Variants in UXS1 observed in about 807,000 individuals in gnomAD.
The protein encoded by UXS1 is UDP-glucuronic acid decarboxylase 1.
UXS1 carries 33 observed loss-of-function variants against 62.6 expected under a neutral mutation model. That is an observed-to-expected ratio of 0.53 (90% CI 0.40 to 0.70). The LOEUF (loss-of-function observed/expected upper bound fraction) is 0.70, where lower values mean the gene tolerates loss of function less well. UXS1 is among the 30% of genes least tolerant of loss of function. UXS1 has a pLI of 0.00. For synonymous variants in UXS1, 213 were observed against 206.8 expected, an observed-to-expected ratio of 1.03 and a Z score of -0.26; for missense variants, 434 against 556.3, an observed-to-expected ratio of 0.78 and a Z score of 2.21.
chr2:106,193,799 C>T (rs1685090422), intron 1 of UXS1, among the ~76,000 whole-genome samples: 1 of 151,786 alleles, frequency 6.6e-6, no homozygotes, highest in South Asian at 2.1e-4. Flanking sequence ...GCTCCGGAGT[C>T]CCCGACCGGG....
Position 106,098,854 on chromosome 2 carries a change from A to C in UXS1, c.985-81T>G. ...ACCCAGACCACAGGCGTGTCTGCAGAGACGTCTACTGGCCGAGTCTGACCT... is the reference window on the plus strand; with the variant it reads ...ACCCAGACCACAGGCGTGTCTGCAGCGACGTCTACTGGCCGAGTCTGACCT... On this transcript the variant is annotated intron_variant, in intron 12 of 14. Coordinates refer to ENST00000283148, the MANE Select transcript of UXS1 (RefSeq NM_001253875.2). The C allele has an allele frequency of 6.8e-6, 9 of 1,332,108 alleles. No individual in the cohort carries two copies. In the South Asian group the frequency reaches 1.1e-4, roughly 16 times the overall value. 82.5% of individuals were successfully genotyped at this position (1,332,108 alleles called of 1,614,324 possible).
intron 1 of UXS1, among the ~76,000 whole-genome samples, chr2:106,189,398 T>C (rs1286647271): frequency 6.6e-6 from 1 of 152,174 alleles, no homozygotes; most frequent in Non-Finnish European, 1.5e-5. Context: ...AACAGGGTCA[T>C]AGCATGGGTG....
At chr2:106,125,800 C>A (rs1220789106) in intron 7 of UXS1, 121 bp from the exon 8 acceptor site, 2 of 749,108 alleles carry the variant, frequency 2.7e-6, no homozygotes, top group Admixed American at 3.5e-5. Context: ...CAATTATCTA[C>A]CCTTACTGCG....
intron 1 of UXS1, among the ~76,000 whole-genome samples, chr2:106,174,173 T>C (rs1305096643): frequency 1.3e-5 from 2 of 151,978 alleles, no homozygotes; most frequent in South Asian, 2.1e-4. Flanking sequence ...ATGGGCAGGA[T>C]GGTTGTTTTC....
At position 106,194,265 on chromosome 2, in the gene UXS1, G is replaced by T. The variant is rs528627291; in HGVS notation, c.-24C>A. On this transcript the variant is annotated 5_prime_UTR_variant, in exon 1 of 15. Transcript: ENST00000283148. Reference sequence around the variant, plus strand: ...ATCCCCGGGAGCCGCGCGGGTCCAGGGCCCTACCGCGCGGGGGCCCGCCTG... The same window carrying T: ...ATCCCCGGGAGCCGCGCGGGTCCAGTGCCCTACCGCGCGGGGGCCCGCCTG... 3.0e-6 allele frequency: 4 copies of T among 1,324,110 alleles called. No individual in the cohort carries two copies. The African/African-American group carries it at 4.7e-5, about 15-fold the overall frequency. 82.0% of individuals were successfully genotyped at this position (1,324,110 alleles called of 1,614,324 possible). A position where few individuals can be genotyped will look rare whatever the true frequency, so the allele number is the denominator to read the frequency against.
chr2:106,144,803 G>A (rs1044247006), intron 6 of UXS1, among the ~76,000 whole-genome samples: 1 of 152,232 alleles, frequency 6.6e-6, no homozygotes, highest in Admixed American at 6.5e-5. Context: ...CATTTGTGAC[G>A]ACTCTGTCTC....
At chr2:106,159,555 G>A (rs578236952) in intron 4 of UXS1, among the ~76,000 whole-genome samples, 191 of 152,212 alleles carry the variant, frequency 1.3e-3, no homozygotes, top group African/African-American at 4.3e-3. Context: ...TCCAGTGAGA[G>A]GTAATAAACA....
intron 5 of UXS1, among the ~76,000 whole-genome samples, chr2:106,152,890 T>C (rs955689364): frequency 5.9e-5 from 9 of 151,972 alleles, no homozygotes; most frequent in African/African-American, 1.9e-4. Context: ...AATCAGGGGC[T>C]ACAGCACCCT....
At chr2:106,162,960 A>G (rs1263932258) in intron 4 of UXS1, among the ~76,000 whole-genome samples, 1 of 152,224 alleles carries the variant, frequency 6.6e-6, no homozygotes, top group East Asian at 1.9e-4. Context: ...AAGGGGAAAA[A>G]ATCACATCAA....
At chr2:106,182,021 A>C (rs907807654) in intron 1 of UXS1, among the ~76,000 whole-genome samples, 5 of 152,248 alleles carry the variant, frequency 3.3e-5, no homozygotes, top group African/African-American at 1.2e-4. Context: ...ACTGTTAAGA[A>C]GTTTTGTTAG....
intron 10 of UXS1, 101 bp from the exon 11 acceptor site, chr2:106,104,938 C>T: frequency 2.1e-6 from 3 of 1,415,218 alleles, no homozygotes; most frequent in Non-Finnish European, 3.0e-6. Flanking sequence ...TGAAACTGAT[C>T]CCAGGGGGCA....
At chr2:106,187,443 C>A (rs1684630570) in intron 1 of UXS1, among the ~76,000 whole-genome samples, 1 of 152,134 alleles carries the variant, frequency 6.6e-6, no homozygotes, top group Non-Finnish European at 1.5e-5. Flanking sequence ...ACAATTGTGT[C>A]CCGAATGAAT....
In UXS1 at chr2:106,156,728, T is replaced by G. The variant is rs530796687; in HGVS notation, c.291+1330A>C. On this transcript the variant is annotated intron_variant, in intron 5 of 14. Transcript: ENST00000283148. ...TAAATGTTATGTAAAAATGTTATACTGTATTGTTTAGGGAATAATAACCTG... is the reference window on the plus strand; with the variant it reads ...TAAATGTTATGTAAAAATGTTATACGGTATTGTTTAGGGAATAATAACCTG... 5.3e-5 allele frequency among the ~76,000 whole-genome samples: 8 copies of G among 152,346 alleles called. No homozygotes were observed. The South Asian group carries it at 1.7e-3, about 32-fold the overall frequency.
chr2:106,122,640 AAAG>A, intron 9 of UXS1, among the ~76,000 whole-genome samples: 1 of 152,386 alleles, frequency 6.6e-6, no homozygotes, highest in Admixed American at 6.5e-5. Context: ...AAAAGTAAAA[AAAG>A]AAGATCCATT....
intron 6 of UXS1, among the ~76,000 whole-genome samples, chr2:106,139,901 A>G (rs535606432): frequency 2.6e-5 from 4 of 152,226 alleles, no homozygotes; most frequent in Non-Finnish European, 5.9e-5. Flanking sequence ...AGATACTTAC[A>G]GTAGAATTCT....
intron 8 of UXS1, 66 bp downstream of exon 8, chr2:106,125,554 T>C: frequency 6.9e-7 from 1 of 1,450,934 alleles, no homozygotes; most frequent in South Asian, 1.4e-5. Context: ...ACTGGACTCT[T>C]CTGAGACAGG....
intron 6 of UXS1, among the ~76,000 whole-genome samples, chr2:106,141,178 G>A (rs1681067071): frequency 6.6e-6 from 1 of 152,160 alleles, no homozygotes; most frequent in Admixed American, 6.5e-5. Flanking sequence ...GATCTAGCTA[G>A]TATAGCCACA....
chr2:106,119,258 C>T (rs1323795902), intron 9 of UXS1, among the ~76,000 whole-genome samples: 1 of 152,188 alleles, frequency 6.6e-6, no homozygotes, highest in Non-Finnish European at 1.5e-5. Context: ...GCATGGTCTC[C>T]TCTTGCTCAC....
In UXS1 at chr2:106,184,385, A is replaced by AT. The variant is rs113789131; in HGVS notation, c.94+9762dup. The stretch of plus-strand genomic sequence containing the variant: ...TGGTAACTGGCCTCACCTATTCAAC[A>AT]TATCTATTTGTGAAAGCTCTCCAAC... On this transcript the variant is annotated intron_variant, in intron 1 of 14. Coordinates refer to ENST00000283148, the MANE Select transcript of UXS1 (RefSeq NM_001253875.2). Among the ~76,000 whole-genome samples the AT allele has an allele frequency of 1.3e-3, 200 of 152,276 alleles. 1 individual carries two copies. The highest frequency in any genetic ancestry group is 4.6e-3 in the African/African-American group (192 of 41,558).
Sources: allele counts gnomAD v4.1 joint callset (sites outside exome capture counted in the v4.1 genomes callset), GRCh38; gene constraint gnomAD v4.1.1; transcripts MANE v1.5; gene names NCBI Gene and HGNC (gene_info 2026-07-23, HGNC 2026-07-21).